Variants in CYP4F12 observed in about 807,000 individuals in gnomAD.
The protein encoded by CYP4F12 is cytochrome P450 family 4 subfamily F member 12.
In CYP4F12, 60 loss-of-function variants were observed where a neutral mutation model predicts 56.5. The observed-to-expected ratio is 1.06, with a 90% confidence interval of 0.86 to 1.32. CYP4F12 has a LOEUF of 1.32. Ranked by LOEUF, CYP4F12 falls within the 40% of genes most tolerant of loss-of-function variation. The pLI, the probability that CYP4F12 is intolerant of heterozygous loss-of-function variation, is 0.00. For synonymous variants in CYP4F12, 263 were observed against 264.9 expected (o/e 0.99, Z 0.07); for missense variants, 711 against 683.5 (o/e 1.04, Z -0.45).
intron 9 of CYP4F12, among the ~76,000 whole-genome samples, chr19:15,687,277 A>C (rs1599983417): frequency 2.6e-4 from 1 of 3,818 alleles, no homozygotes; most frequent in East Asian, 0.024. Flanking sequence ...ACTCTTTCTC[A>C]AAAAAAAAAA....
chr19:15,680,415 G>A lies in CYP4F12; in HGVS notation c.421G>A (p.Gly141Ser), dbSNP rs375976293. 38 of 1,613,834 alleles carry A rather than the reference G, an allele frequency of 2.4e-5. No individual in the cohort carries two copies. Among genetic ancestry groups the A allele is most frequent in the South Asian group, 1.3e-4 (12 of 91,074 alleles). ...WLGEGILLSG[G>S]DKWSRHRRML... Reference sequence around the variant, plus strand: ...AGGAGAAGGGATACTGCTGAGTGGCGGTGACAAGTGGAGCCGCCACCGTCG... The same window carrying A: ...AGGAGAAGGGATACTGCTGAGTGGCAGTGACAAGTGGAGCCGCCACCGTCG... The change falls in exon 5 of 13, where the codon GGT (glycine) becomes AGT (serine). Residue 141 changes from glycine (G) to serine (S), a missense_variant. Physicochemically the swap from Gly to Ser is moderately conservative, Grantham distance 56 (BLOSUM62 0). Transcript: ENST00000550308.
chr19:15,691,306 G>A (rs1167933995), intron 9 of CYP4F12, among the ~76,000 whole-genome samples: 2 of 152,218 alleles, frequency 1.3e-5, no homozygotes, highest in African/African-American at 4.8e-5. Flanking sequence ...CAATCGGCAT[G>A]TGTGTACAGT....
chr19:15,690,410 G>A (rs1182055081), intron 9 of CYP4F12, among the ~76,000 whole-genome samples: 1 of 152,134 alleles, frequency 6.6e-6, no homozygotes, highest in African/African-American at 2.4e-5. Flanking sequence ...CACCATGCAT[G>A]CAATAGATCT....
At chr19:15,694,101 A>G (rs2144764347) in intron 9 of CYP4F12, among the ~76,000 whole-genome samples, 2 of 151,742 alleles carry the variant, frequency 1.3e-5, no homozygotes, top group Non-Finnish European at 2.9e-5. Flanking sequence ...GCCTTGTAGT[A>G]TAGTTTGAAG....
intron 9 of CYP4F12, among the ~76,000 whole-genome samples, chr19:15,693,644 T>G (rs2144763009): frequency 6.6e-6 from 1 of 150,556 alleles, no homozygotes; most frequent in Non-Finnish European, 1.5e-5. Context: ...ACGTTGCCTG[T>G]TCACTCTGAT....
intron 9 of CYP4F12, among the ~76,000 whole-genome samples, chr19:15,691,963 T>G (rs138589768): frequency 2.7e-4 from 41 of 152,228 alleles, no homozygotes; most frequent in African/African-American, 9.6e-4. Context: ...TTTCTTTTCT[T>G]TTTTCTTTTT....
At chr19:15,687,276 CAAA>C (rs11306327) in intron 9 of CYP4F12, among the ~76,000 whole-genome samples, 6 of 146,068 alleles carry the variant, frequency 4.1e-5, no homozygotes, top group East Asian at 2.0e-4. Context: ...GACTCTTTCT[CAAA>C]AAAAAAAAAA....
rs1464987357 is a variant in CYP4F12, at chr19:15,673,142, G to T, written c.-2+7G>T. 4.4e-6 allele frequency: 2 copies of T among 455,646 alleles called. No homozygotes were observed. The highest frequency in any genetic ancestry group is 8.7e-6 in the Non-Finnish European group (2 of 230,972). The allele number at this position is 455,646 out of a possible 1,614,324, so 28.2% of individuals were successfully genotyped here. On this transcript the variant is annotated splice_region_variant and intron_variant, in intron 1 of 12. Transcript: ENST00000550308. The stretch of plus-strand genomic sequence containing the variant: ...AAGCTGCTCCCGACAGAAGGTACCA[G>T]GCTGGGGGTGGCAGGGCTGGAAGGT...
In CYP4F12 at chr19:15,673,453, C is replaced by T; in HGVS notation, c.-1-76C>T. 1.1e-5 allele frequency: 17 copies of T among 1,500,926 alleles called. No homozygotes were observed. The South Asian group carries it at 1.6e-4, about 14-fold the overall frequency. The allele number at this position is 1,500,926 out of a possible 1,614,324, so 93.0% of individuals were successfully genotyped here. On this transcript the variant is annotated intron_variant, in intron 1 of 12. Transcript: ENST00000550308. Reference sequence around the variant, plus strand: ...CTGCCCTGCCCCCAGCAGTTCCTGACTTCGCCCCTATACACTGTCCCCGGA... The same window carrying T: ...CTGCCCTGCCCCCAGCAGTTCCTGATTTCGCCCCTATACACTGTCCCCGGA...
rs773287478 is a variant in CYP4F12 at position 15,678,377 on chromosome 19, C to T, written c.315C>T (p.Asp105=). Residue 105 remains aspartate (D), a synonymous_variant, in exon 3 of 13, where the codon GAC becomes GAT. Coordinates refer to ENST00000550308, the MANE Select transcript of CYP4F12 (RefSeq NM_023944.4). The part of the protein sequence containing the change: ...IIPFIVLCHP[D]TIRSITNASA... ...CCTTCATCGTTTTATGCCACCCTGA[C>T]ACCATCCGGTCTATCACCAATGCCT... 2.5e-6 allele frequency: 4 copies of T among 1,614,098 alleles called. No homozygotes were observed. Among genetic ancestry groups the T allele is most frequent in the Admixed American group, 3.3e-5 (2 of 60,008 alleles).
chr19:15,682,528 G>A lies in CYP4F12; in HGVS notation c.647+18G>A. On this transcript the variant is annotated intron_variant, in intron 6 of 12. Coordinates refer to ENST00000550308, the MANE Select transcript of CYP4F12 (RefSeq NM_023944.4). ...TGTCAGGAGTGAGTTCCTTCCTAGG[G>A]CCTGGGATATGAATCCATGGACCAA... is the stretch of plus-strand genomic sequence containing the variant. 6.2e-7 allele frequency: 1 copy of A among 1,612,100 alleles called. No homozygotes were observed. Among genetic ancestry groups the A allele is most frequent in the South Asian group, 1.1e-5 (1 of 91,058 alleles).
intron 3 of CYP4F12, among the ~76,000 whole-genome samples, chr19:15,679,069 C>T (rs1479059545): frequency 6.6e-6 from 1 of 152,214 alleles, no homozygotes; most frequent in Non-Finnish European, 1.5e-5. Context: ...CCTCCCCTTG[C>T]TCTCTGCTCT....
At chr19:15,682,190 C>T in intron 5 of CYP4F12, 199 bp from the exon 6 acceptor site, 2 of 595,474 alleles carry the variant, frequency 3.4e-6, no homozygotes, top group South Asian at 4.1e-5. Context: ...ATGCAGGTCT[C>T]TTGACTCCAA....
At chr19:15,683,379 A>G (rs908975127) in intron 6 of CYP4F12, 114 bp from the exon 7 acceptor site, 20 of 1,151,092 alleles carry the variant, frequency 1.7e-5, no homozygotes, top group African/African-American at 4.6e-5. Flanking sequence ...AGGACCATCT[A>G]TTTCTAGATA....
chr19:15,677,815 CG>C, intron 2 of CYP4F12, among the ~76,000 whole-genome samples: 1 of 27,360 alleles, frequency 3.7e-5, no homozygotes, highest in Non-Finnish European at 8.0e-5. Context: ...TTCTTCTGCT[CG>C]CTCACTCACT....
Position 15,697,159 on chromosome 19 carries a change from C to A in CYP4F12, c.*74C>A. 6.5e-7 allele frequency: 1 copy of A among 1,536,576 alleles called. No homozygotes were observed. The highest frequency in any genetic ancestry group is 1.2e-5 in the South Asian group (1 of 80,704). Reference sequence around the variant, plus strand: ...GGTGCTGTCACCTCTGCCTGGGCCTCACTGACAGCCTGCAGGGGGCTCTTG... The same window carrying A: ...GGTGCTGTCACCTCTGCCTGGGCCTAACTGACAGCCTGCAGGGGGCTCTTG... On this transcript the variant is annotated 3_prime_UTR_variant, in exon 13 of 13. Coordinates refer to ENST00000550308, the MANE Select transcript of CYP4F12 (RefSeq NM_023944.4).
intron 2 of CYP4F12, among the ~76,000 whole-genome samples, chr19:15,677,131 C>CCTCACTCACTCATTCCTCTG (rs2006991413): frequency 1.3e-5 from 1 of 76,862 alleles, no homozygotes; most frequent in African/African-American, 4.2e-5. Flanking sequence ...TCATTCATAT[C>CCTCACTCACTCATTCCTCTG]CTCACTCACT....
chr19:15,692,712 G>C (rs2007926647), intron 9 of CYP4F12, among the ~76,000 whole-genome samples: 1 of 152,138 alleles, frequency 6.6e-6, no homozygotes, highest in African/African-American at 2.4e-5. Flanking sequence ...CATAGCGCCA[G>C]AGTAGGGATA....
In CYP4F12 at chr19:15,673,695, A is replaced by C. The variant is rs764778444; in HGVS notation, c.166A>C (p.Lys56Gln). Residue 56 changes from lysine to glutamine, a missense_variant, in exon 2 of 13, where the codon AAA (lysine) becomes CAA (glutamine). By Grantham distance (53) the Lys-to-Gln change is moderately conservative (BLOSUM62 1). Coordinates refer to ENST00000550308, the MANE Select transcript of CYP4F12 (RefSeq NM_023944.4). ...RRLQCFPQPPKRNWFWGHLGL... is the reference protein window; with the variant it reads ...RRLQCFPQPPQRNWFWGHLGL... ...GCTCCAGTGTTTCCCACAGCCCCCA[A>C]AACGGAACTGGTTTTGGGGTCACCT... 1 of 1,614,028 alleles carries C rather than the reference A, an allele frequency of 6.2e-7. No homozygotes were observed. The highest frequency in any genetic ancestry group is 8.5e-7 in the Non-Finnish European group (1 of 1,179,986).
Sources: gnomAD v4.1 joint callset for allele counts (sites outside exome capture counted in the v4.1 genomes callset) on GRCh38, gnomAD v4.1.1 for gene constraint, MANE v1.5 for transcripts, NCBI Gene and HGNC (gene_info 2026-07-23, HGNC 2026-07-21) for gene names.